Variants in EGFLAM observed in about 807,000 individuals in gnomAD.
EGFLAM encodes the protein EGF like, fibronectin type III and laminin G domains, also known as pikachurin.
EGFLAM carries 79 observed loss-of-function variants against 113.1 expected under a neutral mutation model. That is an observed-to-expected ratio of 0.70 (90% CI 0.58 to 0.84). The LOEUF is 0.84. EGFLAM is among the 40% of genes least tolerant of loss of function. The probability of loss-of-function intolerance (pLI) is 0.00; values close to 1 mark genes in which losing one functional copy is unlikely to be tolerated. For missense variants in EGFLAM, 1,265 were observed against 1,291.6 expected, an observed-to-expected ratio of 0.98 and a Z score of 0.32; for synonymous variants, 504 against 487.6, an observed-to-expected ratio of 1.03 and a Z score of -0.44.
chr5:38,447,336 A>C (rs1742746036), intron 17 of EGFLAM, among the ~76,000 whole-genome samples: 1 of 152,172 alleles, frequency 6.6e-6, no homozygotes, highest in Non-Finnish European at 1.5e-5. Flanking sequence ...GTGCTCTCTT[A>C]ACTACGTGAT....
chr5:38,425,309 G>A (rs1183058602), intron 13 of EGFLAM, among the ~76,000 whole-genome samples: 2 of 152,136 alleles, frequency 1.3e-5, no homozygotes, highest in East Asian at 3.9e-4. Flanking sequence ...CTCCCGAGTA[G>A]CTGGAACTAC....
intron 3 of EGFLAM, among the ~76,000 whole-genome samples, chr5:38,349,769 ACACG>A (rs1318966826): frequency 3.8e-5 from 4 of 105,112 alleles, no homozygotes; most frequent in Non-Finnish European, 5.7e-5. Context: ...GGGGAAGTAC[ACACG>A]CACACACACA....
chr5:38,341,191 T>A (rs1739327070), intron 3 of EGFLAM, among the ~76,000 whole-genome samples: 1 of 152,242 alleles, frequency 6.6e-6, no homozygotes, highest in Non-Finnish European at 1.5e-5. Flanking sequence ...TGAACTACTG[T>A]ATTAGTCCGT....
intron 4 of EGFLAM, among the ~76,000 whole-genome samples, chr5:38,351,060 GC>G (rs1392303118): frequency 6.6e-6 from 1 of 151,892 alleles, no homozygotes; most frequent in Non-Finnish European, 1.5e-5. Flanking sequence ...CTGGCAAGGA[GC>G]TTTTTGTGGA....
intron 1 of EGFLAM, among the ~76,000 whole-genome samples, chr5:38,302,709 CAA>C (rs56012054): frequency 0.025 from 2,866 of 115,372 alleles, 28 homozygotes; most frequent in Middle Eastern, 0.079. Context: ...GTCTGAGAAT[CAA>C]AAAAAAAAAA....
chr5:38,327,082 G>C (rs1304124331), intron 1 of EGFLAM, among the ~76,000 whole-genome samples: 1 of 152,166 alleles, frequency 6.6e-6, no homozygotes, highest in African/African-American at 2.4e-5. Context: ...ACAGGTGTGA[G>C]CCACCGCACC....
intron 1 of EGFLAM, among the ~76,000 whole-genome samples, chr5:38,288,583 C>T (rs532522248): frequency 1.1e-4 from 17 of 152,042 alleles, no homozygotes; most frequent in East Asian, 1.9e-4. Context: ...GAGCTCCTAA[C>T]GCTTTGGTTC....
In EGFLAM at chr5:38,431,909, A is replaced by G. The variant is rs79481788; in HGVS notation, c.2166+621A>G. ...AGGTCAGCACTAAATAGCTTTACAT[A>G]GTAGCAGTAGTGGTGGTGGTGGTCG... On this transcript the variant is annotated intron_variant, in intron 15 of 21. Coordinates refer to ENST00000322350, the MANE Select transcript of EGFLAM (RefSeq NM_152403.4). Among the ~76,000 whole-genome samples, 1,517 of 152,340 alleles carry G rather than the reference A, an allele frequency of 1.0e-2. 29 individuals are homozygous for G. The highest frequency in any genetic ancestry group is 0.034 in the African/African-American group (1,407 of 41,580).
chr5:38,351,409 A>C (rs1008289006), intron 4 of EGFLAM, among the ~76,000 whole-genome samples: 2 of 152,134 alleles, frequency 1.3e-5, no homozygotes, highest in African/African-American at 2.4e-5. Context: ...GCCTGGTGAC[A>C]GCAGCACTTC....
At chr5:38,349,387 A>G (rs2111978602) in intron 3 of EGFLAM, among the ~76,000 whole-genome samples, 1 of 152,250 alleles carries the variant, frequency 6.6e-6, no homozygotes, top group East Asian at 1.9e-4. Context: ...GCCCAAGACA[A>G]TATCATGACC....
At chr5:38,422,302 A>C (rs1019115144) in intron 12 of EGFLAM, among the ~76,000 whole-genome samples, 2 of 151,976 alleles carry the variant, frequency 1.3e-5, no homozygotes, top group Non-Finnish European at 2.9e-5. Flanking sequence ...ACCTTGCCAC[A>C]CCCACCTCTC....
intron 1 of EGFLAM, among the ~76,000 whole-genome samples, chr5:38,270,479 C>T (rs1237967622): frequency 8.6e-6 from 1 of 116,244 alleles, no homozygotes; most frequent in Non-Finnish European, 1.8e-5. Context: ...GTTAAATAAA[C>T]CATTAGTTTG....
At chr5:38,273,364 T>C (rs1449722421) in intron 1 of EGFLAM, among the ~76,000 whole-genome samples, 7 of 152,196 alleles carry the variant, frequency 4.6e-5, no homozygotes, top group African/African-American at 2.4e-5. Context: ...CCCTGCAAGA[T>C]GGACTCAAGT....
chr5:38,373,025 TTAAC>T (rs148672765), intron 6 of EGFLAM, among the ~76,000 whole-genome samples: 1,813 of 151,608 alleles, frequency 0.012, 36 homozygotes, highest in African/African-American at 0.042. Context: ...ATTTAACAAA[TTAAC>T]AAATTACTTC....
chr5:38,459,163 C>T (rs1020417458), intron 20 of EGFLAM, among the ~76,000 whole-genome samples: 1 of 152,042 alleles, frequency 6.6e-6, no homozygotes, highest in African/African-American at 2.4e-5. Flanking sequence ...ACTTCAGCCT[C>T]TTGAGTAGCT....
intron 1 of EGFLAM, among the ~76,000 whole-genome samples, chr5:38,296,260 C>A (rs1259694646): frequency 6.6e-6 from 1 of 152,122 alleles, no homozygotes; most frequent in Non-Finnish European, 1.5e-5. Flanking sequence ...GTTAGCTATT[C>A]TAAACCAAGC....
chr5:38,464,324 T>C lies in EGFLAM; in HGVS notation c.*338T>C. On this transcript the variant is annotated 3_prime_UTR_variant, in exon 22 of 22. Transcript: ENST00000322350. ...TGACTGTGTTGTGATTCATAGTACA[T>C]TAAAAAGAGAGAGAGAGAGAAAGAA... is the stretch of plus-strand genomic sequence containing the variant. 4.2e-6 allele frequency: 1 copy of C among 236,010 alleles called. No homozygotes were observed. The highest frequency in any genetic ancestry group is 8.2e-6 in the Non-Finnish European group (1 of 121,256). 14.6% of individuals were successfully genotyped at this position (236,010 alleles called of 1,614,324 possible).
At chr5:38,394,106 C>G (rs966277494) in intron 6 of EGFLAM, among the ~76,000 whole-genome samples, 2 of 151,936 alleles carry the variant, frequency 1.3e-5, no homozygotes, top group Admixed American at 6.6e-5. Context: ...CTCCAGCACT[C>G]AGTTGCTTCT....
At chr5:38,271,351 A>G (rs1757761310) in intron 1 of EGFLAM, among the ~76,000 whole-genome samples, 1 of 152,072 alleles carries the variant, frequency 6.6e-6, no homozygotes, top group African/African-American at 2.4e-5. Flanking sequence ...CTTCAACCGT[A>G]CTCTCTACCA....
Sources: allele counts gnomAD v4.1 joint callset (sites outside exome capture counted in the v4.1 genomes callset), GRCh38; gene constraint gnomAD v4.1.1; transcripts MANE v1.5; gene names NCBI Gene and HGNC (gene_info 2026-07-23, HGNC 2026-07-21).